The following UBE2R2 variants were observed in gnomAD, a reference collection of about 807,000 sequenced individuals.
UBE2R2 encodes ubiquitin-conjugating enzyme E2 R2.
In UBE2R2, 1 loss-of-function variant was observed where a neutral mutation model predicts 27.8. That is an observed-to-expected ratio of 0.04 (90% CI 0.01 to 0.17). The LOEUF (loss-of-function observed/expected upper bound fraction) is 0.17. Among genes scored for constraint, UBE2R2 ranks in the 10% least tolerant of loss-of-function variants. The pLI is 1.00. For synonymous variants in UBE2R2, 106 were observed against 113.3 expected, an observed-to-expected ratio of 0.94 and a Z score of 0.41; for missense variants, 100 against 291.0, an observed-to-expected ratio of 0.34 and a Z score of 4.78.
intron 4 of UBE2R2, among the ~76,000 whole-genome samples, 179 bp downstream of exon 4, chr9:33,912,277 G>A (rs1822510411): frequency 6.6e-6 from 1 of 152,110 alleles, no homozygotes; most frequent in Non-Finnish European, 1.5e-5. Context: ...TTTACCGAGA[G>A]AACAGCCACT....
At chr9:33,848,675 C>T (rs1202662213) in intron 1 of UBE2R2, among the ~76,000 whole-genome samples, 1 of 151,424 alleles carries the variant, frequency 6.6e-6, no homozygotes, top group Non-Finnish European at 1.5e-5. Flanking sequence ...GATCTCGGCT[C>T]GCTGCAACCT....
At chr9:33,847,231 G>A (rs745803407) in intron 1 of UBE2R2, among the ~76,000 whole-genome samples, 57 of 152,032 alleles carry the variant, frequency 3.7e-4, no homozygotes, top group Middle Eastern at 3.4e-3. Context: ...CGAGTAGCTG[G>A]GATTACAGGC....
rs551662999 is a variant in UBE2R2, at chr9:33,857,450, C to T, written c.178-29431C>T. ...TCTCCTGCCTCAACTTCCCAAGTAG[C>T]TGGAATTACAGGTGTGCGCCACCAC... On this transcript the variant is annotated intron_variant, in intron 1 of 4. Transcript: ENST00000263228. Among the ~76,000 whole-genome samples the T allele has an allele frequency of 3.9e-5, 6 of 152,112 alleles. No individual in the cohort carries two copies. In the East Asian group the frequency reaches 9.7e-4, roughly 25 times the overall value.
intron 1 of UBE2R2, among the ~76,000 whole-genome samples, chr9:33,821,723 C>G (rs914281502): frequency 6.6e-6 from 1 of 151,668 alleles, no homozygotes; most frequent in Non-Finnish European, 1.5e-5. Flanking sequence ...TCAAGCGATT[C>G]TCTTGCCTCA....
chr9:33,844,298 G>A lies in UBE2R2; in HGVS notation c.177+26364G>A, dbSNP rs375381351. On this transcript the variant is annotated intron_variant, in intron 1 of 4. Coordinates refer to ENST00000263228, the MANE Select transcript of UBE2R2 (RefSeq NM_017811.4). ...CCGCTGACTGCAACCTTCGCCTCCC[G>A]GGTTCAAGCGATTCTTCTGCCTCAG... Among the ~76,000 whole-genome samples, 22 of 152,220 alleles carry A rather than the reference G, an allele frequency of 1.4e-4. 2 individuals are homozygous for A. Among genetic ancestry groups the A allele is most frequent in the African/African-American group, 5.1e-4 (21 of 41,546 alleles).
intron 4 of UBE2R2, among the ~76,000 whole-genome samples, chr9:33,914,238 T>C (rs1161511147): frequency 3.3e-5 from 5 of 152,222 alleles, no homozygotes; most frequent in East Asian, 3.8e-4. Flanking sequence ...GGGAGAAATA[T>C]ATAATGTAAT....
intron 1 of UBE2R2, among the ~76,000 whole-genome samples, chr9:33,831,490 C>G (rs1820479864): frequency 6.6e-6 from 1 of 152,110 alleles, no homozygotes; most frequent in Non-Finnish European, 1.5e-5. Flanking sequence ...CATCTCGGCT[C>G]ACTGCAACCT....
intron 1 of UBE2R2, among the ~76,000 whole-genome samples, chr9:33,868,231 G>T (rs1027369906): frequency 4.6e-5 from 7 of 152,186 alleles, no homozygotes; most frequent in Admixed American, 4.6e-4. Flanking sequence ...CGCTTGTGTT[G>T]CTCTGCCAGC....
At chr9:33,828,522 G>T (rs1820369417) in intron 1 of UBE2R2, among the ~76,000 whole-genome samples, 1 of 150,954 alleles carries the variant, frequency 6.6e-6, no homozygotes, top group Non-Finnish European at 1.5e-5. Context: ...CCAAGTAGCT[G>T]GGACTACAGG....
At chr9:33,914,974 A>G (rs766221325) in intron 4 of UBE2R2, among the ~76,000 whole-genome samples, 12 of 151,916 alleles carry the variant, frequency 7.9e-5, no homozygotes, top group Non-Finnish European at 1.6e-4. Context: ...CCATCTCTAC[A>G]AAAAAATTAG....
intron 4 of UBE2R2, among the ~76,000 whole-genome samples, 186 bp downstream of exon 4, chr9:33,912,284 C>T (rs939394396): frequency 2.0e-5 from 3 of 152,032 alleles, no homozygotes; most frequent in Non-Finnish European, 4.4e-5. Context: ...AGAGAACAGC[C>T]ACTAGAAGAT....
chr9:33,891,654 T>A (rs1006657513), intron 2 of UBE2R2, among the ~76,000 whole-genome samples: 24 of 151,936 alleles, frequency 1.6e-4, no homozygotes, highest in African/African-American at 5.3e-4. Flanking sequence ...TCTCAAAAAA[T>A]AAATAAATAA....
Position 33,817,612 on chromosome 9 carries a change from C to A in UBE2R2, c.-146C>A, listed in dbSNP as rs1825829294. On this transcript the variant is annotated 5_prime_UTR_variant, in exon 1 of 5. Coordinates refer to ENST00000263228, the MANE Select transcript of UBE2R2 (RefSeq NM_017811.4). ...GGGCGGGCCCACGGGCCGTGTGGGG[C>A]CTGGTCTGGCCCGCCGGGTGTGTGA... 1 of 989,712 alleles carries A rather than the reference C, an allele frequency of 1.0e-6. No individual in the cohort carries two copies. The highest frequency in any genetic ancestry group is 1.2e-6 in the Non-Finnish European group (1 of 807,536). The allele number at this position is 989,712 out of a possible 1,614,324, so 61.3% of individuals were successfully genotyped here.
chr9:33,824,361 G>A (rs1281499381), intron 1 of UBE2R2, among the ~76,000 whole-genome samples: 1 of 152,008 alleles, frequency 6.6e-6, no homozygotes, highest in African/African-American at 2.4e-5. Flanking sequence ...TGTGGGCCGG[G>A]CGCGGTAGCT....
intron 1 of UBE2R2, among the ~76,000 whole-genome samples, chr9:33,865,144 G>A (rs923305662): frequency 6.6e-6 from 1 of 151,522 alleles, no homozygotes; most frequent in African/African-American, 2.4e-5. Context: ...TGCAGTGTGA[G>A]CCACTGTGCC....
intron 2 of UBE2R2, among the ~76,000 whole-genome samples, chr9:33,892,816 A>G (rs1185266105): frequency 5.3e-5 from 8 of 152,122 alleles, no homozygotes; most frequent in African/African-American, 1.9e-4. Context: ...AATCCTGGAA[A>G]TTTTTATTTA....
intron 1 of UBE2R2, among the ~76,000 whole-genome samples, chr9:33,837,528 A>G (rs1172542403): frequency 6.6e-6 from 1 of 150,922 alleles, no homozygotes; most frequent in Admixed American, 6.6e-5. Context: ...TGGGCTCAAG[A>G]GATTCTCCCA....
intron 1 of UBE2R2, among the ~76,000 whole-genome samples, chr9:33,828,949 C>T (rs919829549): frequency 3.9e-5 from 6 of 151,970 alleles, no homozygotes; most frequent in African/African-American, 9.7e-5. Context: ...TGGCCAGACT[C>T]GTCTCGAATT....
At chr9:33,870,712 AT>A (rs1821468246) in intron 1 of UBE2R2, among the ~76,000 whole-genome samples, 2 of 152,180 alleles carry the variant, frequency 1.3e-5, no homozygotes, top group Non-Finnish European at 2.9e-5. Flanking sequence ...GGTCATATGC[AT>A]TTATGTCTAT....
Sources: allele counts gnomAD v4.1 joint callset (sites outside exome capture counted in the v4.1 genomes callset), GRCh38; gene constraint gnomAD v4.1.1; transcripts MANE v1.5; gene names NCBI Gene and HGNC (gene_info 2026-07-23, HGNC 2026-07-21).